Variants in KIRREL1 observed in about 807,000 individuals in gnomAD.
KIRREL1 encodes the protein kin of IRRE-like protein 1.
A neutral mutation model predicts 83.3 loss-of-function variants in KIRREL1; 25 were observed. The observed-to-expected ratio is 0.30, with a 90% CI of 0.22 to 0.42. KIRREL1 has a LOEUF of 0.42. KIRREL1 is among the 10% of genes least tolerant of loss of function. The probability of loss-of-function intolerance (pLI) is 1.00; values close to 1 mark genes in which losing one functional copy is unlikely to be tolerated. For missense variants in KIRREL1, 812 were observed against 1,032.3 expected, an observed-to-expected ratio of 0.79 and a Z score of 2.92; for synonymous variants, 388 against 410.4, an observed-to-expected ratio of 0.95 and a Z score of 0.66.
intron 1 of KIRREL1, among the ~76,000 whole-genome samples, chr1:158,030,470 A>G (rs939009737): frequency 8.5e-5 from 13 of 152,190 alleles, no homozygotes; most frequent in African/African-American, 3.1e-4. Context: ...GTGACCTGCA[A>G]ACCGAACCTG....
intron 1 of KIRREL1, among the ~76,000 whole-genome samples, chr1:158,016,651 C>T (rs1659833981): frequency 6.6e-6 from 1 of 152,048 alleles, no homozygotes; most frequent in African/African-American, 2.4e-5. Context: ...TTTCTAATTC[C>T]CTGCTCACAC....
In KIRREL1 at chr1:158,007,609, A is replaced by G. The variant is rs933525680; in HGVS notation, c.52+13881A>G. On this transcript the variant is annotated intron_variant, in intron 1 of 14. Coordinates refer to ENST00000359209, the MANE Select transcript of KIRREL1 (RefSeq NM_018240.7). ...GGGTGGAATGTAAGCCCTCTGAAGA[A>G]GAAGAGCTCGTGTGTCTGGGGGGAG... Among the ~76,000 whole-genome samples the G allele has an allele frequency of 3.3e-5, 5 of 152,082 alleles. No individual in the cohort carries two copies. The South Asian group carries it at 8.3e-4, about 25-fold the overall frequency.
intron 1 of KIRREL1, among the ~76,000 whole-genome samples, chr1:158,043,867 C>T (rs752072562): frequency 6.6e-6 from 1 of 152,212 alleles, no homozygotes; most frequent in Non-Finnish European, 1.5e-5. Flanking sequence ...ATGTTTAACC[C>T]TATTTTTCCA....
intron 1 of KIRREL1, among the ~76,000 whole-genome samples, chr1:158,062,257 A>C (rs1222167634): frequency 6.6e-6 from 1 of 152,168 alleles, no homozygotes; most frequent in Admixed American, 6.5e-5. Flanking sequence ...AGCGTCATCA[A>C]CCCTGAAGTT....
chr1:158,086,742 G>T lies in KIRREL1; in HGVS notation c.657G>T (p.Val219=). 6.4e-7 allele frequency: 1 copy of T among 1,550,652 alleles called. No homozygotes were observed. Among genetic ancestry groups the T allele is most frequent in the Non-Finnish European group, 8.7e-7 (1 of 1,146,566 alleles). Residue 219 remains valine, a synonymous_variant, in exon 5 of 15, where the codon GTG becomes GTT. Coordinates refer to ENST00000359209, the MANE Select transcript of KIRREL1 (RefSeq NM_018240.7). ...SGKETSIELD[V]HHPPTVTLSI... ...AGGAGACTTCCATCGAGCTGGATGT[G>T]CACCGTGAGTGGGCTGGGGGGAGCA...
intron 1 of KIRREL1, among the ~76,000 whole-genome samples, chr1:158,040,262 C>T (rs1660589705): frequency 6.6e-6 from 1 of 152,156 alleles, no homozygotes; most frequent in South Asian, 2.1e-4. Flanking sequence ...TAAGTAAGAA[C>T]CAGCCTCTGA....
Position 158,094,365 on chromosome 1 carries a change from A to G in KIRREL1, c.1772A>G (p.Asp591Gly). 6.2e-7 allele frequency: 1 copy of G among 1,612,526 alleles called. No homozygotes were observed. The highest frequency in any genetic ancestry group is 8.5e-7 in the Non-Finnish European group (1 of 1,179,548). ...CAGGACCTGCGCTGCGACACCATCG[A>G]CACCCGGGAGGAGTATGAGATGAAG... ...LKQDLRCDTI[D>G]TREEYEMKDP... The change falls in exon 14 of 15, where the codon GAC becomes GGC. Residue 591 changes from aspartate to glycine, a missense_variant. Physicochemically the swap from Asp to Gly is moderately conservative, Grantham distance 94. Transcript: ENST00000359209. This position sits in a 1 kb window ranked among gnomAD's most constrained non-coding sequence, Gnocchi z 4.6.
chr1:158,033,976 G>A lies in KIRREL1; in HGVS notation c.52+40248G>A, dbSNP rs145033389. Among the ~76,000 whole-genome samples the A allele has an allele frequency of 7.3e-3, 1,036 of 142,782 alleles. 13 individuals carry two copies. Among genetic ancestry groups the A allele is most frequent in the African/African-American group, 0.026 (1,008 of 38,292 alleles). The allele number at this position is 142,782 out of a possible 152,430, so 93.7% of individuals were successfully genotyped here. On this transcript the variant is annotated intron_variant, in intron 1 of 14. Transcript: ENST00000359209. The stretch of plus-strand genomic sequence containing the variant: ...CCTGGGCAACAAAATGAACTCCATC[G>A]GAAAAAAAAAAAGAAGGCTGGGCGC...
In KIRREL1 at chr1:158,084,505, T is replaced by C. The variant is rs2101634643; in HGVS notation, c.436T>C (p.Phe146Leu). Reference protein sequence around the residue: ...GTPHNLTCRAFNAKPAATIIW... With the variant: ...GTPHNLTCRALNAKPAATIIW... Reference sequence around the variant, plus strand: ...CCCCCACAACCTCACATGCCGGGCCTTCAATGCGAAGCCTGCTGCCACCAT... The same window carrying C: ...CCCCCACAACCTCACATGCCGGGCCCTCAATGCGAAGCCTGCTGCCACCAT... Residue 146 changes from phenylalanine to leucine, a missense_variant, in exon 4 of 15, where the codon TTC (phenylalanine) becomes CTC (leucine). By Grantham distance (22) the Phe-to-Leu change is conservative (BLOSUM62 0). Coordinates refer to ENST00000359209, the MANE Select transcript of KIRREL1 (RefSeq NM_018240.7). 6.4e-7 allele frequency: 1 copy of C among 1,551,790 alleles called. No individual in the cohort carries two copies. Among genetic ancestry groups the C allele is most frequent in the East Asian group, 2.4e-5 (1 of 40,920 alleles).
chr1:158,004,642 C>T (rs1659464607), intron 1 of KIRREL1, among the ~76,000 whole-genome samples: 1 of 152,142 alleles, frequency 6.6e-6, no homozygotes, highest in Admixed American at 6.5e-5. Context: ...GCTTAACCAT[C>T]ATTTTAAACC....
At chr1:158,007,129 GGTTTCTGTTA>G (rs1283179383) in intron 1 of KIRREL1, among the ~76,000 whole-genome samples, 2 of 152,144 alleles carry the variant, frequency 1.3e-5, no homozygotes, top group African/African-American at 4.8e-5. Flanking sequence ...CAGGAGACTT[GGTTTCTGTTA>G]CCAGCTAGCT....
chr1:158,024,226 G>A (rs1350746838), intron 1 of KIRREL1, among the ~76,000 whole-genome samples: 2 of 151,542 alleles, frequency 1.3e-5, no homozygotes, highest in Non-Finnish European at 2.9e-5. Flanking sequence ...TAGGATTACA[G>A]GCGTGAGCCA....
chr1:158,096,634 C>A lies in KIRREL1; in HGVS notation c.*1514C>A, dbSNP rs1251912583. On this transcript the variant is annotated 3_prime_UTR_variant, in exon 15 of 15. Transcript: ENST00000359209. ...AAGGGCACCGCAGGCATTACACAGG[C>A]CATTTCTCCTCCTCCATGTGCACGC... 4.4e-6 allele frequency: 2 copies of A among 456,664 alleles called. No individual in the cohort carries two copies. Among genetic ancestry groups the A allele is most frequent in the Non-Finnish European group, 8.8e-6 (2 of 226,992 alleles). The allele number at this position is 456,664 out of a possible 1,614,324, so 28.3% of individuals were successfully genotyped here.
chr1:158,054,576 T>C (rs1661001180), intron 1 of KIRREL1, among the ~76,000 whole-genome samples: 1 of 152,136 alleles, frequency 6.6e-6, no homozygotes, highest in African/African-American at 2.4e-5. Context: ...GAAGGCATCT[T>C]CCATGTCTTC....
At chr1:158,017,310 C>G (rs1483274412) in intron 1 of KIRREL1, among the ~76,000 whole-genome samples, 1 of 152,190 alleles carries the variant, frequency 6.6e-6, no homozygotes, top group Non-Finnish European at 1.5e-5. Flanking sequence ...AGTTTTCTCT[C>G]CTACCCTCTT....
At chr1:158,024,575 G>A (rs901573208) in intron 1 of KIRREL1, among the ~76,000 whole-genome samples, 5 of 152,196 alleles carry the variant, frequency 3.3e-5, no homozygotes, top group East Asian at 3.9e-4. Context: ...CACTGCACCC[G>A]GCTGAGACAC....
chr1:158,082,972 A>G (rs1380890585), intron 3 of KIRREL1, among the ~76,000 whole-genome samples: 2 of 152,104 alleles, frequency 1.3e-5, no homozygotes, highest in Admixed American at 6.5e-5. Context: ...CCTTTATTTC[A>G]TCAGTATCCA....
intron 1 of KIRREL1, among the ~76,000 whole-genome samples, chr1:158,063,391 T>C (rs2101608156): frequency 6.6e-6 from 1 of 152,330 alleles, no homozygotes; most frequent in Non-Finnish European, 1.5e-5. Context: ...AAGACCCCCA[T>C]GTCCATGCCC....
rs552600026 is a variant in KIRREL1, at chr1:158,062,340, C to A, written c.53-13773C>A. Among the ~76,000 whole-genome samples the A allele has an allele frequency of 2.1e-3, 322 of 152,356 alleles. 2 individuals are homozygous for A. Among genetic ancestry groups the A allele is most frequent in the Middle Eastern group, 0.014 (4 of 294 alleles). ...GCTGCCATATTGAGACCTGCTCCTA[C>A]AGCTCTTAATTATGGAGCCTCCACT... is the stretch of plus-strand genomic sequence containing the variant. On this transcript the variant is annotated intron_variant, in intron 1 of 14. Coordinates refer to ENST00000359209, the MANE Select transcript of KIRREL1 (RefSeq NM_018240.7).
Sources: gnomAD v4.1 joint callset for allele counts (sites outside exome capture counted in the v4.1 genomes callset) on GRCh38, gnomAD v4.1.1 for gene constraint, Gnocchi (gnomAD v3.1) non-coding constraint, MANE v1.5 for transcripts, NCBI Gene and HGNC (gene_info 2026-07-23, HGNC 2026-07-21) for gene names.